ANKRD16: variants seen among roughly 807,000 people sequenced by gnomAD.
ANKRD16 encodes the protein ankyrin repeat domain-containing protein 16.
Under a neutral mutation model 37.9 loss-of-function variants are expected in ANKRD16, and 35 were observed. That is an observed-to-expected ratio of 0.92 (90% CI 0.71 to 1.23). The LOEUF is 1.23. ANKRD16 is among the 50% of genes most tolerant of loss of function. ANKRD16 has a pLI of 0.00. For synonymous variants in ANKRD16, 206 were observed against 197.2 expected (o/e 1.04, Z -0.37); for missense variants, 480 against 469.9 (o/e 1.02, Z -0.20).
At position 5,865,198 on chromosome 10, in the gene ANKRD16, G is replaced by A. The variant is rs1462091371; in HGVS notation, c.*34-2507C>T. On this transcript the variant is annotated intron_variant, in intron 7 of 7. Coordinates refer to ENST00000380094, the MANE Select transcript of ANKRD16 (RefSeq NM_019046.3). The surrounding 1 kb of genome is among the most constrained non-coding windows in gnomAD (Gnocchi z 4.7). ...GCAGGCCAATCACCTGGTAGGGCTT[G>A]TTACCAGTGTGGTTTGCAAGGACAC... Among the ~76,000 whole-genome samples the A allele has an allele frequency of 1.3e-5, 2 of 152,216 alleles. No homozygotes were observed. The highest frequency in any genetic ancestry group is 2.4e-5 in the African/African-American group (1 of 41,456).
rs1300623348 is a variant in ANKRD16, at chr10:5,862,979, CTT to C, written c.*34-290_*34-289del. Among the ~76,000 whole-genome samples, 2 of 152,162 alleles carry C rather than the reference CTT, an allele frequency of 1.3e-5. No homozygotes were observed. Among genetic ancestry groups the C allele is most frequent in the African/African-American group, 4.8e-5 (2 of 41,414 alleles). ...TCTGTTTGCCTGGAAAAGTCCCCAT[CTT>C]AGTGAATTCTGACTTTCCACCTACT... On this transcript the variant is annotated intron_variant, in intron 7 of 7. Transcript: ENST00000380094. This position sits in a 1 kb window ranked among gnomAD's most constrained non-coding sequence, Gnocchi z 6.5.
In ANKRD16 at chr10:5,871,152, C is replaced by G. The variant is rs1468985249; in HGVS notation, c.*33+6945G>C. ...CTGTAATCCCAGCACTTTGGGAGGC[C>G]AAGGTGGGCGGATCACCTGAGGTTG... On this transcript the variant is annotated intron_variant, in intron 7 of 7. Transcript: ENST00000380094. The surrounding 1 kb of genome is among the most constrained non-coding windows in gnomAD (Gnocchi z 4.5). Among the ~76,000 whole-genome samples, 1 of 152,020 alleles carries G rather than the reference C, an allele frequency of 6.6e-6. No homozygotes were observed.
rs1842156613 is a variant in ANKRD16 at position 5,874,554 on chromosome 10, C to T, written c.*33+3543G>A. Among the ~76,000 whole-genome samples the T allele has an allele frequency of 6.6e-6, 1 of 152,126 alleles. No homozygotes were observed. Among genetic ancestry groups the T allele is most frequent in the African/African-American group, 2.4e-5 (1 of 41,406 alleles). On this transcript the variant is annotated intron_variant, in intron 7 of 7. Coordinates refer to ENST00000380094, the MANE Select transcript of ANKRD16 (RefSeq NM_019046.3). The surrounding 1 kb of genome is among the most constrained non-coding windows in gnomAD (Gnocchi z 4.7). ...CCAGCAGCTGTCCTCTGCAGGGACTCCTTAAGAGGGAGGAGTCATGACTGA... is the reference window on the plus strand; with the variant it reads ...CCAGCAGCTGTCCTCTGCAGGGACTTCTTAAGAGGGAGGAGTCATGACTGA...
chr10:5,862,808 G>T lies in ANKRD16; in HGVS notation c.*34-117C>A. 3.5e-6 allele frequency: 2 copies of T among 571,710 alleles called. No homozygotes were observed. The highest frequency in any genetic ancestry group is 3.1e-5 in the South Asian group (2 of 64,062). 35.4% of individuals were successfully genotyped at this position (571,710 alleles called of 1,614,324 possible). ...TCAGGGCTGCTGGCTACAGGGCCTG[G>T]CTCTACATGCTGCACAGTCAGAGAG... is the stretch of plus-strand genomic sequence containing the variant. On this transcript the variant is annotated intron_variant, in intron 7 of 7. Coordinates refer to ENST00000380094, the MANE Select transcript of ANKRD16 (RefSeq NM_019046.3). This position sits in a 1 kb window ranked among gnomAD's most constrained non-coding sequence, Gnocchi z 6.5.
At chr10:5,884,192 T>C in intron 3 of ANKRD16, 115 bp from the exon 4 acceptor site, 1 of 710,616 alleles carries the variant, frequency 1.4e-6, no homozygotes, top group South Asian at 1.7e-5. Context: ...CCTGTGAGCA[T>C]GGAGCTCTCT....
rs1218996768 is a variant in ANKRD16, at chr10:5,869,878, G to A, written c.*34-7187C>T. 2.6e-5 allele frequency among the ~76,000 whole-genome samples: 4 copies of A among 152,082 alleles called. No homozygotes were observed. The highest frequency in any genetic ancestry group is 1.9e-4 in the East Asian group (1 of 5,200). On this transcript the variant is annotated intron_variant, in intron 7 of 7. Transcript: ENST00000380094. The surrounding 1 kb of genome is among the most constrained non-coding windows in gnomAD (Gnocchi z 4.0). ...CAGGTTTGTTACCTGGGTATATCGCGTGATGCTGAGGTCTGCAGTAAGGAT... is the reference window on the plus strand; with the variant it reads ...CAGGTTTGTTACCTGGGTATATCGCATGATGCTGAGGTCTGCAGTAAGGAT...
intron 7 of ANKRD16, among the ~76,000 whole-genome samples, chr10:5,872,576 A>T (rs1162779167): frequency 6.6e-6 from 1 of 152,104 alleles, no homozygotes; most frequent in East Asian, 1.9e-4. Context: ...ATTTTTTTTG[A>T]GATGGAATCT....
rs375653820 is a variant in ANKRD16 at position 5,863,274 on chromosome 10, T to C, written c.*34-583A>G. Among the ~76,000 whole-genome samples, 3 of 151,968 alleles carry C rather than the reference T, an allele frequency of 2.0e-5. No homozygotes were observed. The highest frequency in any genetic ancestry group is 7.3e-5 in the African/African-American group (3 of 41,340). On this transcript the variant is annotated intron_variant, in intron 7 of 7. Transcript: ENST00000380094. The surrounding 1 kb of genome is among the most constrained non-coding windows in gnomAD (Gnocchi z 4.7). ...CCAGATGGGTGGGCAGCACTGGGCCTGAGGTGAATGTTACTGTGCTGTACG... is the reference window on the plus strand; with the variant it reads ...CCAGATGGGTGGGCAGCACTGGGCCCGAGGTGAATGTTACTGTGCTGTACG...
chr10:5,862,794 G>T lies in ANKRD16; in HGVS notation c.*34-103C>A. On this transcript the variant is annotated intron_variant, in intron 7 of 7. Transcript: ENST00000380094. The surrounding 1 kb of genome is among the most constrained non-coding windows in gnomAD (Gnocchi z 6.5). ...TCCCACAGCTGGACTCAGGGCTGCT[G>T]GCTACAGGGCCTGGCTCTACATGCT... 1 of 716,104 alleles carries T rather than the reference G, an allele frequency of 1.4e-6. No homozygotes were observed. Among genetic ancestry groups the T allele is most frequent in the Non-Finnish European group, 2.1e-6 (1 of 468,626 alleles). The allele number at this position is 716,104 out of a possible 1,614,324, so 44.4% of individuals were successfully genotyped here. A position where few individuals can be genotyped will look rare whatever the true frequency, so the allele number is the denominator to read the frequency against.
rs1308010093 is a variant in ANKRD16, at chr10:5,866,928, CAAAG to C, written c.*34-4241_*34-4238del. 2.7e-5 allele frequency among the ~76,000 whole-genome samples: 4 copies of C among 150,514 alleles called. No individual in the cohort carries two copies. The highest frequency in any genetic ancestry group is 4.2e-4 in the South Asian group (2 of 4,754). ...AGTCAGAGAGAGAGAAACAGAAAGTCAAAGAAAGAGAGGGAGAGACAAAGAGGGA... is the reference window on the plus strand; with the variant it reads ...AGTCAGAGAGAGAGAAACAGAAAGTCAAAGAGAGGGAGAGACAAAGAGGGA... On this transcript the variant is annotated intron_variant, in intron 7 of 7. Transcript: ENST00000380094. This position sits in a 1 kb window ranked among gnomAD's most constrained non-coding sequence, Gnocchi z 4.3.
chr10:5,876,871 G>A (rs1187448628), intron 7 of ANKRD16, among the ~76,000 whole-genome samples: 1 of 151,920 alleles, frequency 6.6e-6, no homozygotes, highest in South Asian at 2.1e-4. Context: ...GATCAAAAAA[G>A]GAAAAGAAAG....
intron 5 of ANKRD16, 60 bp from the exon 6 acceptor site, chr10:5,880,436 C>T (rs539631362): frequency 9.5e-7 from 1 of 1,051,406 alleles, no homozygotes; most frequent in African/African-American, 1.6e-5. Context: ...TTTTGCAAAC[C>T]AAAAAGTATC....
rs948429606 is a variant in ANKRD16 at position 5,869,743 on chromosome 10, C to T, written c.*34-7052G>A. 3.8e-4 allele frequency among the ~76,000 whole-genome samples: 40 copies of T among 105,948 alleles called. No homozygotes were observed. Among genetic ancestry groups the T allele is most frequent in the African/African-American group, 1.3e-3 (36 of 27,228 alleles). 69.5% of individuals were successfully genotyped at this position (105,948 alleles called of 152,430 possible). ...CAGCAGCTATGGCCGCCCCTGGGAA[C>T]TAGCTGGAAGCAGCTGGGGGTTGCT... On this transcript the variant is annotated intron_variant, in intron 7 of 7. Coordinates refer to ENST00000380094, the MANE Select transcript of ANKRD16 (RefSeq NM_019046.3). This position sits in a 1 kb window ranked among gnomAD's most constrained non-coding sequence, Gnocchi z 4.0.
intron 2 of ANKRD16, 150 bp from the exon 3 acceptor site, chr10:5,885,915 G>C (rs374903063): frequency 1.4e-6 from 1 of 695,904 alleles, no homozygotes; most frequent in East Asian, 2.7e-5. Flanking sequence ...CGCCCTACAC[G>C]AATAAATATT....
chr10:5,863,100 C>T lies in ANKRD16; in HGVS notation c.*34-409G>A, dbSNP rs549503998. Among the ~76,000 whole-genome samples, 2 of 152,094 alleles carry T rather than the reference C, an allele frequency of 1.3e-5. No individual in the cohort carries two copies. The highest frequency in any genetic ancestry group is 4.8e-5 in the African/African-American group (2 of 41,384). On this transcript the variant is annotated intron_variant, in intron 7 of 7. Coordinates refer to ENST00000380094, the MANE Select transcript of ANKRD16 (RefSeq NM_019046.3). The surrounding 1 kb of genome is among the most constrained non-coding windows in gnomAD (Gnocchi z 4.7). ...AGTGATCCTGCCACGTCCCTGACTCCATGGGCTTTCAACACGAGGCCTCCC... is the reference window on the plus strand; with the variant it reads ...AGTGATCCTGCCACGTCCCTGACTCTATGGGCTTTCAACACGAGGCCTCCC...
At position 5,885,760 on chromosome 10, in the gene ANKRD16, G is replaced by A. The variant is rs1215175384; in HGVS notation, c.541C>T (p.His181Tyr). The change falls in exon 3 of 8, where the codon CAT becomes TAT. Residue 181 changes from histidine (H) to tyrosine (Y), a missense_variant. By Grantham distance (83) the His-to-Tyr change is moderately conservative. Transcript: ENST00000380094. ...RRTPLHTAAM[H>Y]GHLEAVKVLL... ...ACCTTGACTGCCTCCAAATGGCCAT[G>A]CATTGCTGGGAGGAGAAAGAAAGCT... 6.2e-7 allele frequency: 1 copy of A among 1,603,614 alleles called. No homozygotes were observed. The highest frequency in any genetic ancestry group is 1.3e-5 in the African/African-American group (1 of 74,244).
chr10:5,887,844 T>C lies in ANKRD16; in HGVS notation c.535+3A>G. The C allele has an allele frequency of 1.2e-6, 2 of 1,612,234 alleles. No individual in the cohort carries two copies. The highest frequency in any genetic ancestry group is 1.7e-6 in the Non-Finnish European group (2 of 1,179,460). ...TGCTCACCTGCAGAGCTGTAGGCTG[T>C]ACCTGCAGTATGCAGAGGAGTCCTT... On this transcript the variant is annotated splice_donor_region_variant and intron_variant, in intron 2 of 7. Coordinates refer to ENST00000380094, the MANE Select transcript of ANKRD16 (RefSeq NM_019046.3).
chr10:5,884,022 C>T lies in ANKRD16; in HGVS notation c.634G>A (p.Ala212Thr), dbSNP rs140831926. 1.3e-4 allele frequency: 208 copies of T among 1,614,006 alleles called. No homozygotes were observed. Among genetic ancestry groups the T allele is most frequent in the Non-Finnish European group, 1.7e-4 (200 of 1,180,010 alleles). ...DNCGVTALMDAIQCGHIDVAR... is the reference protein window; with the variant it reads ...DNCGVTALMDTIQCGHIDVAR... Reference sequence around the variant, plus strand: ...ACGTCGATGTGCCCACACTGGATTGCGTCCATCAAGGCGGTGACGCCACAG... The same window carrying T: ...ACGTCGATGTGCCCACACTGGATTGTGTCCATCAAGGCGGTGACGCCACAG... Residue 212 changes from alanine (A) to threonine (T), a missense_variant, in exon 4 of 8, where the codon GCA (alanine) becomes ACA (threonine). Transcript: ENST00000380094.
At chr10:5,876,865 A>AT (rs1239980609) in intron 7 of ANKRD16, among the ~76,000 whole-genome samples, 1 of 152,232 alleles carries the variant, frequency 6.6e-6, no homozygotes, top group Non-Finnish European at 1.5e-5. Context: ...GAGAAGGATC[A>AT]AAAAAGGAAA....
Sources: allele counts gnomAD v4.1 joint callset (sites outside exome capture counted in the v4.1 genomes callset), GRCh38; gene constraint gnomAD v4.1.1; non-coding constraint Gnocchi (gnomAD v3.1); transcripts MANE v1.5; gene names NCBI Gene and HGNC (gene_info 2026-07-23, HGNC 2026-07-21).